KCNQ2: variants seen among roughly 807,000 people sequenced by gnomAD.
KCNQ2 encodes potassium voltage-gated channel subfamily KQT member 2.
KCNQ2 carries 14 observed loss-of-function variants against 84.8 expected under a neutral mutation model. The ratio of observed to expected loss-of-function variants is 0.17; its 90% CI spans 0.11 to 0.26. The LOEUF is 0.26. KCNQ2 is among the 10% of genes least tolerant of loss of function. The pLI is 1.00. For synonymous variants in KCNQ2, 599 were observed against 554.1 expected (o/e 1.08, Z -1.14); for missense variants, 788 against 1,254.0 (o/e 0.63, Z 5.61).
At chr20:63,428,582 C>T in intron 9 of KCNQ2, 147 bp from the exon 10 acceptor site, 1 of 705,102 alleles carries the variant, frequency 1.4e-6, no homozygotes, top group Non-Finnish European at 2.5e-6. Flanking sequence ...AGGCAGCTGC[C>T]CACTGGGCCC....
intron 1 of KCNQ2, among the ~76,000 whole-genome samples, chr20:63,468,583 G>C (rs796302764): frequency 1.3e-5 from 2 of 152,340 alleles, no homozygotes; most frequent in African/African-American, 4.8e-5. Flanking sequence ...CGGCACCGGG[G>C]GACTTGAACA....
chr20:63,434,398 G>C (rs1001676117), intron 7 of KCNQ2: 1 of 171,116 alleles, frequency 5.8e-6, no homozygotes, highest in Non-Finnish European at 1.2e-5. Flanking sequence ...CGCCTGGCTG[G>C]ATTTCCGTTC....
chr20:63,409,303 G>A (rs1166550503), intron 15 of KCNQ2, among the ~76,000 whole-genome samples: 1 of 152,254 alleles, frequency 6.6e-6, no homozygotes, highest in Non-Finnish European at 1.5e-5. Flanking sequence ...GCAAGAGTGT[G>A]CACGTTTGCG....
At chr20:63,470,198 AC>A (rs932160583) in intron 1 of KCNQ2, among the ~76,000 whole-genome samples, 3 of 151,988 alleles carry the variant, frequency 2.0e-5, no homozygotes, top group African/African-American at 7.2e-5. Context: ...AGTCCAAGCC[AC>A]CCCTGCCCAC....
rs566100017 is a variant in KCNQ2 at position 63,448,777 on chromosome 20, G to A, written c.297-1940C>T. ...ATCCTGGGGGAAGTCCCTCCAGCCC[G>A]GATACGCCCACCCCTGACCTGCTGG... On this transcript the variant is annotated intron_variant, in intron 1 of 16. Transcript: ENST00000359125. 1.4e-3 allele frequency among the ~76,000 whole-genome samples: 213 copies of A among 152,150 alleles called. 2 individuals carry two copies. Among genetic ancestry groups the A allele is most frequent in the African/African-American group, 4.8e-3 (200 of 41,516 alleles).
At chr20:63,448,397 CAGG>C (rs2145798716) in intron 1 of KCNQ2, 1 of 152,420 alleles carries the variant, frequency 6.6e-6, no homozygotes, top group Non-Finnish European at 1.5e-5. Context: ...TGCTCAGAAC[CAGG>C]AGCCGGCGGG....
At chr20:63,431,411 A>C (rs768235566) in intron 8 of KCNQ2, 42 bp from the exon 9 acceptor site, 9 of 1,608,828 alleles carry the variant, frequency 5.6e-6, no homozygotes, top group Non-Finnish European at 7.7e-6. Context: ...AAGAACGGAA[A>C]ATTTCAAAAA....
chr20:63,458,729 C>A (rs921176197), intron 1 of KCNQ2, among the ~76,000 whole-genome samples: 1 of 152,268 alleles, frequency 6.6e-6, no homozygotes, highest in African/African-American at 2.4e-5. Context: ...CGTCTCCCCA[C>A]ATCCAGGCAG....
chr20:63,442,427 C>A lies in KCNQ2; in HGVS notation c.795G>T (p.Ala265=). 6.2e-7 allele frequency: 1 copy of A among 1,613,868 alleles called. No homozygotes were observed. Among genetic ancestry groups the A allele is most frequent in the Non-Finnish European group, 8.5e-7 (1 of 1,179,958 alleles). ...KGENDHFDTY[A]DALWWGLITL... ...TCACCAGGCCCCACCAGAGTGCATCCGCGTAGGTGTCAAAGTGGTCGTTCT... is the reference window on the plus strand; with the variant it reads ...TCACCAGGCCCCACCAGAGTGCATCAGCGTAGGTGTCAAAGTGGTCGTTCT... Residue 265 remains alanine, a synonymous_variant, in exon 5 of 17, where the codon GCG becomes GCT. Transcript: ENST00000359125.
At chr20:63,409,460 C>T (rs1191009831) in intron 15 of KCNQ2, among the ~76,000 whole-genome samples, 1 of 152,218 alleles carries the variant, frequency 6.6e-6, no homozygotes. Context: ...CACAGAGTCA[C>T]GGCCACTGCT....
chr20:63,439,828 C>A (rs996107503), intron 5 of KCNQ2, 120 bp from the exon 6 acceptor site: 66 of 768,682 alleles, frequency 8.6e-5, no homozygotes, highest in African/African-American at 3.4e-5. Flanking sequence ...CCCCGTGTCA[C>A]CATCCACACG....
At chr20:63,440,109 C>CCTGAG (rs1454784283) in intron 5 of KCNQ2, among the ~76,000 whole-genome samples, 2 of 152,190 alleles carry the variant, frequency 1.3e-5, no homozygotes, top group East Asian at 1.9e-4. Flanking sequence ...GCTCGCTGAG[C>CCTGAG]CTGAGCTGAG....
In KCNQ2 at chr20:63,405,385, C is replaced by T. The variant is rs932910974; in HGVS notation, c.*1259G>A. The stretch of plus-strand genomic sequence containing the variant: ...CGCCTGCCCCAAGGGCCACGGTGCC[C>T]ACAACAGGACGGGCATGGGACGGTG... On this transcript the variant is annotated 3_prime_UTR_variant, in exon 17 of 17. Transcript: ENST00000359125. The T allele has an allele frequency of 3.9e-5, 6 of 152,298 alleles. No individual in the cohort carries two copies. The highest frequency in any genetic ancestry group is 5.9e-5 in the Non-Finnish European group (4 of 68,108). 9.4% of individuals were successfully genotyped at this position (152,298 alleles called of 1,614,324 possible). A position where few individuals can be genotyped will look rare whatever the true frequency, so the allele number is the denominator to read the frequency against.
chr20:63,409,384 T>A (rs902773859), intron 15 of KCNQ2, among the ~76,000 whole-genome samples: 3 of 152,212 alleles, frequency 2.0e-5, no homozygotes, highest in Non-Finnish European at 4.4e-5. Flanking sequence ...AGGTCACTCA[T>A]GACAATAAGA....
intron 1 of KCNQ2, among the ~76,000 whole-genome samples, chr20:63,452,433 G>A (rs2145822176): frequency 6.6e-6 from 1 of 152,322 alleles, no homozygotes; most frequent in East Asian, 1.9e-4. Context: ...CTGGGACGAC[G>A]CCCACCCCCA....
Position 63,424,191 on chromosome 20 carries a change from C to T in KCNQ2, c.1233G>A (p.Pro411=), listed in dbSNP as rs757596960. 1.5e-5 allele frequency: 23 copies of T among 1,555,860 alleles called. No homozygotes were observed. Among genetic ancestry groups the T allele is most frequent in the Admixed American group, 3.9e-5 (2 of 51,126 alleles). Residue 411 remains proline (P), a synonymous_variant, in exon 11 of 17, where the codon CCG becomes CCA. Coordinates refer to ENST00000359125, the MANE Select transcript of KCNQ2 (RefSeq NM_172107.4). ...GGGGCACTGACCTTGGAGACGGCTC[C>T]GGCGGGGGGTCCTTCCTTCAAACAG... ...SGLAFRKDPP[P]EPSPSKGSPC...
At chr20:63,441,702 G>A (rs35932225) in intron 5 of KCNQ2, among the ~76,000 whole-genome samples, 71,685 of 151,950 alleles carry the variant, frequency 0.47, 16,998 homozygotes, top group Middle Eastern at 0.54. Context: ...CCTGGGCCCC[G>A]GGGCACGCTC....
intron 1 of KCNQ2, among the ~76,000 whole-genome samples, chr20:63,467,885 G>A (rs148951447): frequency 1.3e-5 from 2 of 152,250 alleles, no homozygotes; most frequent in Non-Finnish European, 2.9e-5. Flanking sequence ...TGGAGAGACC[G>A]CGTCTCTGCA....
In KCNQ2 at chr20:63,451,692, G is replaced by A. The variant is rs185450935; in HGVS notation, c.297-4855C>T. On this transcript the variant is annotated intron_variant, in intron 1 of 16. Coordinates refer to ENST00000359125, the MANE Select transcript of KCNQ2 (RefSeq NM_172107.4). ...CTCGATTCACGACGGACACCCCCACGGCTTCCCTCTGCCCGGACCCAGTCA... is the reference window on the plus strand; with the variant it reads ...CTCGATTCACGACGGACACCCCCACAGCTTCCCTCTGCCCGGACCCAGTCA... Among the ~76,000 whole-genome samples the A allele has an allele frequency of 2.2e-3, 336 of 152,166 alleles. 1 individual carries two copies. Among genetic ancestry groups the A allele is most frequent in the African/African-American group, 7.9e-3 (327 of 41,502 alleles).
Sources: gnomAD v4.1 joint callset for allele counts (sites outside exome capture counted in the v4.1 genomes callset) on GRCh38, gnomAD v4.1.1 for gene constraint, MANE v1.5 for transcripts, NCBI Gene and HGNC (gene_info 2026-07-23, HGNC 2026-07-21) for gene names.